The following PTPRD variants were observed in gnomAD, a reference collection of about 807,000 sequenced individuals.
PTPRD encodes receptor-type tyrosine-protein phosphatase delta.
A neutral mutation model predicts 214.5 loss-of-function variants in PTPRD; 34 were observed. That is an observed-to-expected ratio of 0.16 (90% CI 0.12 to 0.21). The LOEUF (loss-of-function observed/expected upper bound fraction) is 0.21, where lower values mean the gene tolerates loss of function less well. Among genes scored for constraint, PTPRD ranks in the 10% least tolerant of loss-of-function variants. The pLI, the probability that PTPRD is intolerant of heterozygous loss-of-function variation, is 1.00. For missense variants in PTPRD, 2,545 were observed against 2,398.7 expected (o/e 1.06, Z -1.27); for synonymous variants, 1,128 against 845.7 (o/e 1.33, Z -5.79).
chr9:8,350,850 A>G (rs1038729758), intron 39 of PTPRD, among the ~76,000 whole-genome samples: 4 of 152,164 alleles, frequency 2.6e-5, no homozygotes, highest in African/African-American at 9.7e-5. Context: ...TTCAACATAC[A>G]CTATATCCCT....
chr9:9,677,414 A>T (rs2096956857), intron 7 of PTPRD, among the ~76,000 whole-genome samples: 1 of 152,142 alleles, frequency 6.6e-6, no homozygotes, highest in South Asian at 2.1e-4. Flanking sequence ...CTGGTTCAAC[A>T]TATACAAATC....
chr9:9,354,495 C>T (rs578115529), intron 9 of PTPRD, among the ~76,000 whole-genome samples: 2 of 150,172 alleles, frequency 1.3e-5, no homozygotes, highest in Non-Finnish European at 3.0e-5. Flanking sequence ...AATTCAATAA[C>T]TTTTCAAATG....
At chr9:10,121,094 C>A (rs1321408411) in intron 3 of PTPRD, among the ~76,000 whole-genome samples, 1 of 151,970 alleles carries the variant, frequency 6.6e-6, no homozygotes, top group Non-Finnish European at 1.5e-5. Flanking sequence ...TTTTAAAATA[C>A]CTTTAATATT....
chr9:9,874,923 C>T (rs60102388), intron 5 of PTPRD, among the ~76,000 whole-genome samples: 204 of 152,136 alleles, frequency 1.3e-3, no homozygotes, highest in Non-Finnish European at 2.5e-3. Flanking sequence ...TCTTATGATT[C>T]CAAGGTTTAT....
chr9:9,251,777 A>G (rs905219491), intron 9 of PTPRD, among the ~76,000 whole-genome samples: 3 of 152,110 alleles, frequency 2.0e-5, no homozygotes, highest in Non-Finnish European at 2.9e-5. Flanking sequence ...AAGTGTTTAA[A>G]TAAAAGAATG....
intron 7 of PTPRD, among the ~76,000 whole-genome samples, chr9:9,717,203 GATCTATAT>G (rs1206457796): frequency 6.6e-6 from 1 of 152,070 alleles, no homozygotes; most frequent in Non-Finnish European, 1.5e-5. Context: ...CTGTTCCATT[GATCTATAT>G]CTCTGTTTTG....
chr9:8,972,913 A>G (rs1249149051), intron 11 of PTPRD, among the ~76,000 whole-genome samples: 1 of 151,756 alleles, frequency 6.6e-6, no homozygotes, highest in Non-Finnish European at 1.5e-5. Context: ...GAGTGGATCA[A>G]TGTTTTAGAG....
intron 3 of PTPRD, among the ~76,000 whole-genome samples, chr9:10,140,594 G>A (rs189539770): frequency 6.6e-6 from 1 of 152,080 alleles, no homozygotes; most frequent in Non-Finnish European, 1.5e-5. Flanking sequence ...AGCTGAAATT[G>A]TGGCAATAAT....
intron 7 of PTPRD, among the ~76,000 whole-genome samples, chr9:9,655,327 C>T (rs150816318): frequency 0.011 from 1,613 of 152,164 alleles, 30 homozygotes; most frequent in African/African-American, 0.037. Context: ...CCCAACACTT[C>T]GGGAGGTCAA....
chr9:8,802,839 C>T (rs569730249), intron 11 of PTPRD, among the ~76,000 whole-genome samples: 3 of 152,006 alleles, frequency 2.0e-5, no homozygotes, highest in Non-Finnish European at 4.4e-5. Context: ...ACAGCTTGAG[C>T]CCAGGAGTTC....
At chr9:9,072,571 T>G (rs1457321528) in intron 10 of PTPRD, among the ~76,000 whole-genome samples, 1 of 152,170 alleles carries the variant, frequency 6.6e-6, no homozygotes, top group South Asian at 2.1e-4. Context: ...CTAATTATAC[T>G]TTTATAAAAA....
At chr9:10,503,622 T>C (rs973899300) in intron 2 of PTPRD, among the ~76,000 whole-genome samples, 5 of 152,084 alleles carry the variant, frequency 3.3e-5, no homozygotes, top group African/African-American at 7.2e-5. Flanking sequence ...CTATTGGATA[T>C]TGGAGGTTCT....
intron 2 of PTPRD, among the ~76,000 whole-genome samples, chr9:10,418,308 A>G (rs2154514749): frequency 6.6e-6 from 1 of 151,946 alleles, no homozygotes; most frequent in South Asian, 2.1e-4. Context: ...TAAATGAAAA[A>G]TGTACACTTC....
intron 14 of PTPRD, among the ~76,000 whole-genome samples, chr9:8,630,153 G>A (rs1421062851): frequency 6.6e-6 from 1 of 151,774 alleles, no homozygotes; most frequent in Admixed American, 6.6e-5. Context: ...GCATTTGTCA[G>A]TAAAGCAGGG....
At chr9:10,402,912 C>G (rs2098294600) in intron 2 of PTPRD, among the ~76,000 whole-genome samples, 1 of 151,420 alleles carries the variant, frequency 6.6e-6, no homozygotes, top group South Asian at 2.1e-4. Context: ...TCTACCTAGC[C>G]ATTAGATCTG....
intron 12 of PTPRD, among the ~76,000 whole-genome samples, chr9:8,729,281 T>C (rs2098628781): frequency 6.6e-6 from 1 of 152,194 alleles, no homozygotes; most frequent in South Asian, 2.1e-4. Context: ...CTAAAGTAGA[T>C]ATGCTTCATA....
chr9:9,290,309 TG>T (rs1950742420), intron 9 of PTPRD, among the ~76,000 whole-genome samples: 1 of 151,764 alleles, frequency 6.6e-6, no homozygotes, highest in Non-Finnish European at 1.5e-5. Context: ...TTAGATTATT[TG>T]CTTCTTTGCT....
At chr9:9,260,105 A>G (rs2099979444) in intron 9 of PTPRD, among the ~76,000 whole-genome samples, 1 of 151,900 alleles carries the variant, frequency 6.6e-6, no homozygotes, top group South Asian at 2.1e-4. Context: ...ATTGTGAAAT[A>G]TATTTTCTAT....
At chr9:9,482,135 C>T (rs1244610822) in intron 8 of PTPRD, among the ~76,000 whole-genome samples, 4 of 151,418 alleles carry the variant, frequency 2.6e-5, no homozygotes, top group Non-Finnish European at 4.4e-5. Flanking sequence ...GACAGGTGGG[C>T]GAGGTTGGGA....
Sources: gnomAD v4.1 joint callset for allele counts (sites outside exome capture counted in the v4.1 genomes callset) on GRCh38, gnomAD v4.1.1 for gene constraint, MANE v1.5 for transcripts, NCBI Gene and HGNC (gene_info 2026-07-23, HGNC 2026-07-21) for gene names.